Variants in KCND2 observed in about 807,000 individuals in gnomAD.
KCND2 encodes the protein potassium voltage-gated channel subfamily D member 2.
A neutral mutation model predicts 54.4 loss-of-function variants in KCND2; 16 were observed. The ratio of observed to expected loss-of-function variants is 0.29; its 90% CI spans 0.20 to 0.45. KCND2 has a LOEUF of 0.45. KCND2 is among the 20% of genes least tolerant of loss of function. KCND2 has a pLI of 1.00. For missense variants in KCND2, 486 were observed against 824.2 expected (o/e 0.59, Z 5.02); for synonymous variants, 317 against 310.7 (o/e 1.02, Z -0.21).
intron 1 of KCND2, among the ~76,000 whole-genome samples, chr7:120,295,431 A>T (rs908279620): frequency 6.6e-6 from 1 of 151,198 alleles, no homozygotes; most frequent in Admixed American, 6.6e-5. Flanking sequence ...CACACATTCT[A>T]CATTACAGTG....
At chr7:120,425,068 A>T (rs1801684765) in intron 1 of KCND2, among the ~76,000 whole-genome samples, 1 of 152,344 alleles carries the variant, frequency 6.6e-6, no homozygotes, top group African/African-American at 2.4e-5. Flanking sequence ...GTTCTTTTTC[A>T]AAGGGGTACA....
chr7:120,681,969 G>T (rs1196748620), intron 1 of KCND2, among the ~76,000 whole-genome samples: 1 of 151,884 alleles, frequency 6.6e-6, no homozygotes, highest in African/African-American at 2.4e-5. Flanking sequence ...GTAGATAATA[G>T]TTCAATGGGA....
At chr7:120,550,433 T>G (rs1247012963) in intron 1 of KCND2, among the ~76,000 whole-genome samples, 1 of 152,060 alleles carries the variant, frequency 6.6e-6, no homozygotes, top group African/African-American at 2.4e-5. Flanking sequence ...CATTTCATAT[T>G]TTGCTTTAAA....
intron 1 of KCND2, among the ~76,000 whole-genome samples, chr7:120,485,315 C>T (rs1802677863): frequency 6.6e-6 from 1 of 152,094 alleles, no homozygotes. Context: ...AAAACTCTTA[C>T]CTAGATAACA....
intron 4 of KCND2, among the ~76,000 whole-genome samples, chr7:120,744,027 A>G (rs911572099): frequency 6.6e-6 from 1 of 152,214 alleles, no homozygotes; most frequent in African/African-American, 2.4e-5. Flanking sequence ...TGGAAGGCCA[A>G]GGTGGGCGGG....
At chr7:120,385,517 A>G (rs941818372) in intron 1 of KCND2, among the ~76,000 whole-genome samples, 2 of 152,114 alleles carry the variant, frequency 1.3e-5, no homozygotes, top group African/African-American at 4.8e-5. Flanking sequence ...AAATAAATAG[A>G]TGAATGCTGA....
At chr7:120,565,759 T>G (rs1792288878) in intron 1 of KCND2, among the ~76,000 whole-genome samples, 1 of 152,234 alleles carries the variant, frequency 6.6e-6, no homozygotes, top group South Asian at 2.1e-4. Context: ...TGAATATCCT[T>G]GCAGAGGATA....
intron 1 of KCND2, among the ~76,000 whole-genome samples, chr7:120,366,585 C>T (rs1461531622): frequency 6.6e-6 from 1 of 150,664 alleles, no homozygotes; most frequent in Non-Finnish European, 1.5e-5. Context: ...AAGAAAGAAA[C>T]TTTTTTCTCC....
chr7:120,568,139 T>C (rs1397646329), intron 1 of KCND2, among the ~76,000 whole-genome samples: 1 of 152,124 alleles, frequency 6.6e-6, no homozygotes, highest in Non-Finnish European at 1.5e-5. Flanking sequence ...CTACATTTAA[T>C]GACTGTGAGA....
chr7:120,746,964 CA>C (rs1347899386), intron 5 of KCND2: 1 of 152,074 alleles, frequency 6.6e-6, no homozygotes, highest in African/African-American at 2.4e-5. Flanking sequence ...TTTAGCTTTG[CA>C]GTTTTATATC....
chr7:120,639,618 T>G (rs1019757013), intron 1 of KCND2, among the ~76,000 whole-genome samples: 2 of 152,202 alleles, frequency 1.3e-5, no homozygotes, highest in African/African-American at 4.8e-5. Context: ...ACTGAAATAT[T>G]AAAGTCAGTT....
At chr7:120,392,768 GTAGT>G (rs1322871653) in intron 1 of KCND2, among the ~76,000 whole-genome samples, 2 of 151,848 alleles carry the variant, frequency 1.3e-5, no homozygotes, top group Admixed American at 1.3e-4. Flanking sequence ...TGTGCTATAA[GTAGT>G]TAGTTTCCAG....
At position 120,273,230 on chromosome 7, in the gene KCND2, T is replaced by C. The variant is rs1396564349; in HGVS notation, c.-1403T>C. On this transcript the variant is annotated 5_prime_UTR_variant, in exon 1 of 6. Coordinates refer to ENST00000331113, the MANE Select transcript of KCND2 (RefSeq NM_012281.3). ...TATTTATTTATTTTCTCCTTATTTA[T>C]TGATCGCACTAGCAGAGCAGCGCGG... is the stretch of plus-strand genomic sequence containing the variant. Among the ~76,000 whole-genome samples the C allele has an allele frequency of 6.6e-6, 1 of 151,982 alleles. No individual in the cohort carries two copies. Among genetic ancestry groups the C allele is most frequent in the Non-Finnish European group, 1.5e-5 (1 of 67,956 alleles).
At position 120,374,338 on chromosome 7, in the gene KCND2, T is replaced by A. The variant is rs140143507; in HGVS notation, c.1115+98591T>A. 9.5e-3 allele frequency among the ~76,000 whole-genome samples: 1,446 copies of A among 151,938 alleles called. 18 individuals carry two copies. Among genetic ancestry groups the A allele is most frequent in the South Asian group, 0.034 (163 of 4,826 alleles). On this transcript the variant is annotated intron_variant, in intron 1 of 5. Transcript: ENST00000331113. Reference sequence around the variant, plus strand: ...TAACCACTCAGTTAAAACTTTTGTATTTTAAAGAAACATTTTACAATTCTT... The same window carrying A: ...TAACCACTCAGTTAAAACTTTTGTAATTTAAAGAAACATTTTACAATTCTT...
chr7:120,505,595 G>T (rs1803003096), intron 1 of KCND2, among the ~76,000 whole-genome samples: 1 of 151,594 alleles, frequency 6.6e-6, no homozygotes, highest in African/African-American at 2.4e-5. Flanking sequence ...AAGTTTCAGG[G>T]GTCTTTTAAT....
At chr7:120,376,399 A>C (rs1800835631) in intron 1 of KCND2, among the ~76,000 whole-genome samples, 1 of 151,508 alleles carries the variant, frequency 6.6e-6, no homozygotes, top group Admixed American at 6.6e-5. Flanking sequence ...ATTATTTAAA[A>C]ACCTCAAATA....
Position 120,463,148 on chromosome 7 carries a change from C to T in KCND2, c.1115+187401C>T, listed in dbSNP as rs572699026. 2.3e-4 allele frequency among the ~76,000 whole-genome samples: 35 copies of T among 152,030 alleles called. No homozygotes were observed. The South Asian group carries it at 6.0e-3, about 26-fold the overall frequency. ...CCACTTTTTAGATGTATTCTTCCCC[C>T]GCCCTTACAGACTAAGATGGTTAAA... is the stretch of plus-strand genomic sequence containing the variant. On this transcript the variant is annotated intron_variant, in intron 1 of 5. Transcript: ENST00000331113.
chr7:120,347,350 C>G (rs1800334906), intron 1 of KCND2, among the ~76,000 whole-genome samples: 1 of 152,176 alleles, frequency 6.6e-6, no homozygotes, highest in Non-Finnish European at 1.5e-5. Flanking sequence ...TCTAACCCAG[C>G]TCTTAAACTT....
chr7:120,316,736 A>T (rs992531015), intron 1 of KCND2, among the ~76,000 whole-genome samples: 5 of 151,996 alleles, frequency 3.3e-5, no homozygotes, highest in African/African-American at 7.3e-5. Context: ...CCATGTGTAA[A>T]TTTTTTCATT....
Sources: gnomAD v4.1 joint callset for allele counts (sites outside exome capture counted in the v4.1 genomes callset) on GRCh38, gnomAD v4.1.1 for gene constraint, MANE v1.5 for transcripts, NCBI Gene and HGNC (gene_info 2026-07-23, HGNC 2026-07-21) for gene names.